SPATA6: variants seen among roughly 807,000 people sequenced by gnomAD.
SPATA6 encodes the protein spermatogenesis-associated protein 6.
A neutral mutation model predicts 65.3 loss-of-function variants in SPATA6; 56 were observed. That is an observed-to-expected ratio of 0.86 (90% CI 0.69 to 1.07). The LOEUF (loss-of-function observed/expected upper bound fraction) is 1.07. Ranked by LOEUF, SPATA6 falls within the 50% of genes least tolerant of loss-of-function variation. The pLI, the probability that SPATA6 is intolerant of heterozygous loss-of-function variation, is 0.00. For synonymous variants in SPATA6, 199 were observed against 213.2 expected (o/e 0.93, Z 0.58); for missense variants, 590 against 594.8 (o/e 0.99, Z 0.08).
At chr1:48,302,089 T>C (rs997982330) in intron 12 of SPATA6, among the ~76,000 whole-genome samples, 1 of 152,210 alleles carries the variant, frequency 6.6e-6, no homozygotes. Context: ...CTAGTTGAGA[T>C]TGCAGAAACT....
chr1:48,435,961 G>T (rs1654899764), intron 3 of SPATA6: 1 of 1,594,828 alleles, frequency 6.3e-7, no homozygotes, highest in Admixed American at 1.7e-5. Context: ...GAACTAAAGT[G>T]ATTCAATGTC....
At chr1:48,281,126 T>C in the SPATA6 span, among the ~76,000 whole-genome samples, 1 of 152,102 alleles carries the variant, frequency 6.6e-6, no homozygotes, top group Non-Finnish European at 1.5e-5. Flanking sequence ...TTTGACAAAA[T>C]TCAACAACCT....
chr1:48,395,308 C>T lies in SPATA6; in HGVS notation c.827G>A (p.Gly276Glu). The change falls in exon 8 of 13, where the codon GGA becomes GAA. Residue 276 changes from glycine to glutamate, a missense_variant. Gly to Glu is a moderately conservative substitution (Grantham distance 98). Coordinates refer to ENST00000371847, the MANE Select transcript of SPATA6 (RefSeq NM_019073.4). ...PRADTLLGSS[G>E]RDCERDGWSR... is the part of the protein sequence containing the mutation. ...CCATCCATCTCTTTCACAGTCTCTTCCAGAAGATCCCAATAAAGTATCAGC... is the reference window on the plus strand; with the variant it reads ...CCATCCATCTCTTTCACAGTCTCTTTCAGAAGATCCCAATAAAGTATCAGC... 1 of 1,569,822 alleles carries T rather than the reference C, an allele frequency of 6.4e-7. No homozygotes were observed. The highest frequency in any genetic ancestry group is 8.7e-7 in the Non-Finnish European group (1 of 1,155,526).
intron 5 of SPATA6, among the ~76,000 whole-genome samples, chr1:48,409,746 C>T (rs747393818): frequency 2.0e-5 from 3 of 152,254 alleles, no homozygotes; most frequent in African/African-American, 7.2e-5. Flanking sequence ...AGGCTTGAGG[C>T]CTGCACCCTC....
At chr1:48,444,798 G>A (rs1346017726) in intron 3 of SPATA6, among the ~76,000 whole-genome samples, 1 of 152,168 alleles carries the variant, frequency 6.6e-6, no homozygotes, top group Non-Finnish European at 1.5e-5. Context: ...AAGGTCTGCA[G>A]CTTCATTCTT....
chr1:48,420,520 G>A (rs1653223519), intron 3 of SPATA6, among the ~76,000 whole-genome samples: 1 of 152,174 alleles, frequency 6.6e-6, no homozygotes, highest in South Asian at 2.1e-4. Flanking sequence ...AGTAGAAAGG[G>A]TCAAAATTAA....
intron 11 of SPATA6, among the ~76,000 whole-genome samples, chr1:48,348,108 C>T (rs1241534828): frequency 2.6e-5 from 4 of 151,968 alleles, no homozygotes; most frequent in South Asian, 2.1e-4. Context: ...CTAGCTTTTG[C>T]GGGCAGTGGG....
intron 11 of SPATA6, among the ~76,000 whole-genome samples, chr1:48,316,445 T>C (rs866659440): frequency 6.6e-6 from 1 of 152,334 alleles, no homozygotes; most frequent in South Asian, 2.1e-4. Context: ...GGATTCCCTA[T>C]TTAATAAATA....
At chr1:48,377,776 A>G (rs918242622) in intron 9 of SPATA6, among the ~76,000 whole-genome samples, 3 of 152,194 alleles carry the variant, frequency 2.0e-5, no homozygotes, top group Non-Finnish European at 2.9e-5. Context: ...GGAACAGAGT[A>G]TTATAGGTGT....
At chr1:48,325,579 A>G (rs1360319933) in intron 11 of SPATA6, 1 of 943,340 alleles carries the variant, frequency 1.1e-6, no homozygotes, top group Non-Finnish European at 1.7e-6. Flanking sequence ...TTCCCTCCTC[A>G]ATGGTAAAGG....
intron 5 of SPATA6, among the ~76,000 whole-genome samples, chr1:48,405,541 G>A (rs1017752722): frequency 6.6e-6 from 1 of 152,172 alleles, no homozygotes; most frequent in East Asian, 1.9e-4. Flanking sequence ...GCTGTTGGCT[G>A]GAAGCCTCAG....
chr1:48,463,971 C>T (rs938483175), intron 1 of SPATA6, among the ~76,000 whole-genome samples: 4 of 151,694 alleles, frequency 2.6e-5, no homozygotes, highest in African/African-American at 7.3e-5. Context: ...ACTATGAAAG[C>T]ATTATTATAT....
intron 9 of SPATA6, among the ~76,000 whole-genome samples, chr1:48,381,481 TTTAA>T (rs1393486543): frequency 6.6e-6 from 1 of 152,148 alleles, no homozygotes; most frequent in South Asian, 2.1e-4. Context: ...TGATTGATTA[TTTAA>T]TTGTGCTATA....
At chr1:48,452,876 T>C in intron 2 of SPATA6, 118 bp downstream of exon 2, 2 of 1,245,520 alleles carry the variant, frequency 1.6e-6, no homozygotes, top group Non-Finnish European at 2.1e-6. Context: ...AAATGTCCTT[T>C]TGAATTAAAC....
At chr1:48,286,347 T>C in the SPATA6 span, among the ~76,000 whole-genome samples, 1 of 152,178 alleles carries the variant, frequency 6.6e-6, no homozygotes, top group African/African-American at 2.4e-5. Flanking sequence ...ATTTCTTTCA[T>C]CAATGTTTTA....
chr1:48,466,949 A>G (rs1215032632), intron 1 of SPATA6, among the ~76,000 whole-genome samples: 1 of 152,152 alleles, frequency 6.6e-6, no homozygotes, highest in Non-Finnish European at 1.5e-5. Context: ...TTCCCAAATA[A>G]GCTCATAAAA....
intron 3 of SPATA6, among the ~76,000 whole-genome samples, chr1:48,422,231 A>G (rs1653413129): frequency 6.6e-6 from 1 of 152,222 alleles, no homozygotes. Flanking sequence ...TGGACAAATT[A>G]TTTTTTAAAA....
At chr1:48,413,350 C>T (rs1022369346) in intron 3 of SPATA6, among the ~76,000 whole-genome samples, 199 bp from the exon 4 acceptor site, 5 of 149,606 alleles carry the variant, frequency 3.3e-5, no homozygotes, top group Admixed American at 2.0e-4. Context: ...AGTGCAGTGG[C>T]GCAATCTTGG....
the SPATA6 span, among the ~76,000 whole-genome samples, chr1:48,278,121 C>G: frequency 0.02 from 3,014 of 152,258 alleles, 46 homozygotes; most frequent in Non-Finnish European, 0.031. Context: ...AGCTGAGGGT[C>G]CTGTCTGTTA....
Sources: gnomAD v4.1 joint callset for allele counts (sites outside exome capture counted in the v4.1 genomes callset) on GRCh38, gnomAD v4.1.1 for gene constraint, MANE v1.5 for transcripts, NCBI Gene and HGNC (gene_info 2026-07-23, HGNC 2026-07-21) for gene names.